SNTB1: variants seen among roughly 807,000 people sequenced by gnomAD.
SNTB1 encodes the protein syntrophin beta 1.
A neutral mutation model predicts 48.9 loss-of-function variants in SNTB1; 36 were observed. The observed-to-expected ratio is 0.74, with a 90% confidence interval of 0.56 to 0.97. The LOEUF is 0.97. Ranked by LOEUF, SNTB1 falls within the 50% of genes least tolerant of loss-of-function variation. The pLI is 0.00. For synonymous variants in SNTB1, 299 were observed against 294.6 expected (o/e 1.01, Z -0.15); for missense variants, 786 against 703.4 (o/e 1.12, Z -1.33).
intron 4 of SNTB1, among the ~76,000 whole-genome samples, chr8:120,564,563 G>GAT (rs1243511893): frequency 0.01 from 377 of 36,232 alleles, 3 homozygotes; most frequent in African/African-American, 0.028. Context: ...CTATTATTCT[G>GAT]GTTTTTTTTT....
At chr8:120,775,707 C>CGAAGG (rs1819721893) in intron 1 of SNTB1, among the ~76,000 whole-genome samples, 1 of 114,410 alleles carries the variant, frequency 8.7e-6, no homozygotes, top group Non-Finnish European at 1.8e-5. Flanking sequence ...GGGAAGGAGA[C>CGAAGG]AAGGAAGGAA....
chr8:120,791,921 T>G (rs1438669072), intron 1 of SNTB1, among the ~76,000 whole-genome samples: 1 of 151,896 alleles, frequency 6.6e-6, no homozygotes, highest in African/African-American at 2.4e-5. Flanking sequence ...GATCTACCAT[T>G]CGATCCAGCA....
intron 1 of SNTB1, among the ~76,000 whole-genome samples, chr8:120,751,022 C>T (rs1193489524): frequency 6.6e-6 from 1 of 152,072 alleles, no homozygotes; most frequent in African/African-American, 2.4e-5. Flanking sequence ...TTATCTATGG[C>T]TAAAGGATTC....
chr8:120,606,708 G>A (rs1816526649), intron 3 of SNTB1, among the ~76,000 whole-genome samples: 1 of 152,152 alleles, frequency 6.6e-6, no homozygotes, highest in East Asian at 1.9e-4. Flanking sequence ...TCAAGTGGTG[G>A]TGAGAATTCA....
At chr8:120,637,254 G>T in intron 2 of SNTB1, 4 of 345,634 alleles carry the variant, frequency 1.2e-5, no homozygotes, top group Non-Finnish European at 2.3e-5. Flanking sequence ...ATGGGAAAAA[G>T]TCTGCTGCTG....
At chr8:120,751,750 G>T (rs1310729077) in intron 1 of SNTB1, among the ~76,000 whole-genome samples, 1 of 151,910 alleles carries the variant, frequency 6.6e-6, no homozygotes, top group Non-Finnish European at 1.5e-5. Flanking sequence ...TTATTTCTCT[G>T]CAAAATGGTG....
chr8:120,573,350 A>G (rs1477611684), intron 4 of SNTB1, among the ~76,000 whole-genome samples: 1 of 152,106 alleles, frequency 6.6e-6, no homozygotes, highest in African/African-American at 2.4e-5. Context: ...GGACATCTGT[A>G]TGTCTTCTTT....
intron 2 of SNTB1, among the ~76,000 whole-genome samples, chr8:120,676,742 C>T (rs1319861290): frequency 6.6e-6 from 1 of 152,094 alleles, no homozygotes. Context: ...GGTACATGTT[C>T]TAAATTGCTG....
intron 1 of SNTB1, among the ~76,000 whole-genome samples, chr8:120,798,118 A>G (rs774930985): frequency 1.3e-5 from 2 of 152,048 alleles, no homozygotes; most frequent in African/African-American, 4.8e-5. Context: ...AGGCCTCACC[A>G]TATCTGATTG....
In SNTB1 at chr8:120,630,877, G is replaced by T. The variant is rs116181368; in HGVS notation, c.996+1567C>A. Among the ~76,000 whole-genome samples the T allele has an allele frequency of 5.5e-3, 840 of 152,228 alleles. 14 individuals are homozygous for T. Among genetic ancestry groups the T allele is most frequent in the African/African-American group, 0.019 (783 of 41,536 alleles). On this transcript the variant is annotated intron_variant, in intron 3 of 6. Transcript: ENST00000517992. The stretch of plus-strand genomic sequence containing the variant: ...GGCCTTTCTTCACTGAGACAACCAG[G>T]AGCAAAGAAAACATAAGCCTGGAAC...
chr8:120,686,889 T>C (rs1486875177), intron 2 of SNTB1, among the ~76,000 whole-genome samples: 3 of 152,150 alleles, frequency 2.0e-5, no homozygotes, highest in Non-Finnish European at 4.4e-5. Flanking sequence ...CTGGCAATAG[T>C]TTCCATTATG....
At chr8:120,717,701 G>A (rs1818584551) in intron 1 of SNTB1, among the ~76,000 whole-genome samples, 1 of 152,150 alleles carries the variant, frequency 6.6e-6, no homozygotes, top group African/African-American at 2.4e-5. Flanking sequence ...AGAATGATGT[G>A]CAGAGTGGAA....
At chr8:120,766,128 G>T (rs1819520424) in intron 1 of SNTB1, among the ~76,000 whole-genome samples, 1 of 152,120 alleles carries the variant, frequency 6.6e-6, no homozygotes, top group African/African-American at 2.4e-5. Context: ...CAAGAAGAGG[G>T]TTCTCACTCT....
chr8:120,726,015 A>G (rs1053305382), intron 1 of SNTB1, among the ~76,000 whole-genome samples: 2 of 152,194 alleles, frequency 1.3e-5, no homozygotes, highest in African/African-American at 4.8e-5. Context: ...GTGGGAGGTA[A>G]GCCTGGGTGT....
intron 1 of SNTB1, among the ~76,000 whole-genome samples, chr8:120,723,786 T>C (rs1469107408): frequency 6.6e-6 from 1 of 152,182 alleles, no homozygotes; most frequent in Non-Finnish European, 1.5e-5. Context: ...ATAAAGAACA[T>C]GAAATGTGTT....
chr8:120,612,804 C>T (rs539538368), intron 3 of SNTB1, among the ~76,000 whole-genome samples: 38 of 152,180 alleles, frequency 2.5e-4, no homozygotes, highest in Non-Finnish European at 5.0e-4. Flanking sequence ...TTGTGGCACA[C>T]GTGGTATTTT....
At chr8:120,604,584 G>T (rs978046887) in intron 3 of SNTB1, among the ~76,000 whole-genome samples, 5 of 151,800 alleles carry the variant, frequency 3.3e-5, no homozygotes, top group Admixed American at 6.6e-5. Context: ...TCAGGTAGCT[G>T]GGATTACAGG....
At chr8:120,580,489 C>T (rs1049069821) in intron 3 of SNTB1, among the ~76,000 whole-genome samples, 1 of 152,156 alleles carries the variant, frequency 6.6e-6, no homozygotes, top group Admixed American at 6.5e-5. Flanking sequence ...GTAAACTGCC[C>T]CAGTTGCTCA....
chr8:120,755,652 TA>T (rs1182911591), intron 1 of SNTB1, among the ~76,000 whole-genome samples: 1 of 152,100 alleles, frequency 6.6e-6, no homozygotes, highest in African/African-American at 2.4e-5. Flanking sequence ...ACAATTATAA[TA>T]GTAGTAGTGG....
Sources: gnomAD v4.1 joint callset for allele counts (sites outside exome capture counted in the v4.1 genomes callset) on GRCh38, gnomAD v4.1.1 for gene constraint, MANE v1.5 for transcripts, NCBI Gene and HGNC (gene_info 2026-07-23, HGNC 2026-07-21) for gene names.